The following VWA8 variants were observed in gnomAD, a reference collection of about 807,000 sequenced individuals.
VWA8 encodes von Willebrand factor A domain-containing protein 8.
VWA8 carries 221 observed loss-of-function variants against 241.5 expected under a neutral mutation model. The ratio of observed to expected loss-of-function variants is 0.91; its 90% CI spans 0.82 to 1.02. The LOEUF is 1.02. VWA8 is among the 50% of genes least tolerant of loss of function. The pLI is 0.00. For missense variants in VWA8, 2,322 were observed against 2,328.7 expected, an observed-to-expected ratio of 1.00 and a Z score of 0.06; for synonymous variants, 852 against 827.1, an observed-to-expected ratio of 1.03 and a Z score of -0.52.
intron 12 of VWA8, among the ~76,000 whole-genome samples, chr13:41,852,900 T>C (rs148410686): frequency 6.6e-6 from 1 of 152,314 alleles, no homozygotes; most frequent in African/African-American, 2.4e-5. Context: ...CCTCAAATGT[T>C]GTTTCTCAAG....
intron 17 of VWA8, among the ~76,000 whole-genome samples, chr13:41,800,770 G>A (rs1337119254): frequency 6.8e-6 from 1 of 146,534 alleles, no homozygotes; most frequent in Non-Finnish European, 1.5e-5. Flanking sequence ...TCCAGTCTGG[G>A]TGACAGAGCG....
chr13:41,688,283 A>G (rs2045150618), intron 34 of VWA8, among the ~76,000 whole-genome samples: 1 of 152,142 alleles, frequency 6.6e-6, no homozygotes, highest in African/African-American at 2.4e-5. Flanking sequence ...GTTGAGGCAT[A>G]CAAAATTGGA....
chr13:41,606,387 A>T (rs1390479936), intron 39 of VWA8, among the ~76,000 whole-genome samples: 1 of 152,082 alleles, frequency 6.6e-6, no homozygotes, highest in Non-Finnish European at 1.5e-5. Context: ...TTCAGAGTGA[A>T]CTCCCTTGGG....
intron 21 of VWA8, among the ~76,000 whole-genome samples, chr13:41,758,426 A>G (rs1468459077): frequency 2.6e-5 from 3 of 115,854 alleles, no homozygotes; most frequent in South Asian, 2.8e-4. Context: ...ATATATATAT[A>G]TATACGCTAG....
chr13:41,782,768 A>G (rs1038762896), intron 19 of VWA8, among the ~76,000 whole-genome samples: 1 of 151,982 alleles, frequency 6.6e-6, no homozygotes, highest in Non-Finnish European at 1.5e-5. Context: ...TTGTTTTACT[A>G]TAAAAGTAAT....
intron 37 of VWA8, among the ~76,000 whole-genome samples, chr13:41,665,750 T>A (rs2044981839): frequency 6.6e-6 from 1 of 152,130 alleles, no homozygotes. Flanking sequence ...ATTACCTCTT[T>A]ACTTGCTGAT....
chr13:41,755,688 C>T (rs900927054), intron 21 of VWA8, among the ~76,000 whole-genome samples: 6 of 151,806 alleles, frequency 4.0e-5, no homozygotes, highest in African/African-American at 1.4e-4. Flanking sequence ...CATGGTATCT[C>T]TAATCCTTTA....
At chr13:41,917,564 C>A (rs1157050759) in intron 2 of VWA8, among the ~76,000 whole-genome samples, 1 of 152,176 alleles carries the variant, frequency 6.6e-6, no homozygotes, top group Non-Finnish European at 1.5e-5. Flanking sequence ...CATGCCCAGT[C>A]CCTCAGCCAA....
At chr13:41,646,258 G>A (rs533219976) in intron 37 of VWA8, among the ~76,000 whole-genome samples, 10 of 152,050 alleles carry the variant, frequency 6.6e-5, no homozygotes, top group South Asian at 2.1e-4. Flanking sequence ...GAGCCACCAC[G>A]CCCGGCCAAA....
At chr13:41,588,919 T>C (rs999627996) in intron 41 of VWA8, among the ~76,000 whole-genome samples, 4 of 152,218 alleles carry the variant, frequency 2.6e-5, no homozygotes, top group African/African-American at 9.6e-5. Flanking sequence ...AGAACACTTA[T>C]ACATATGCTT....
rs1874390123 is a variant in VWA8 at position 41,884,009 on chromosome 13, TAA to T, written c.976-520_976-519del. On this transcript the variant is annotated intron_variant, in intron 8 of 44. Coordinates refer to ENST00000379310, the MANE Select transcript of VWA8 (RefSeq NM_015058.2). ...ACTGTCAATTCTGTTCACCCCACTT[TAA>T]AAGTCTGTTGACAAGAAAGATTAGT... 2.0e-5 allele frequency among the ~76,000 whole-genome samples: 3 copies of T among 152,208 alleles called. No homozygotes were observed. In the South Asian group the frequency reaches 6.2e-4, roughly 32 times the overall value.
At chr13:41,840,576 G>A (rs1282404859) in intron 12 of VWA8, among the ~76,000 whole-genome samples, 1 of 151,920 alleles carries the variant, frequency 6.6e-6, no homozygotes, top group Non-Finnish European at 1.5e-5. Context: ...TGGGCAACAA[G>A]GCAAAACCCC....
intron 35 of VWA8, among the ~76,000 whole-genome samples, chr13:41,679,224 T>A (rs1027781418): frequency 2.0e-5 from 3 of 152,212 alleles, no homozygotes; most frequent in African/African-American, 7.2e-5. Context: ...GTTTATCACA[T>A]AGCTCCCATG....
At chr13:41,761,261 A>C (rs2045737841) in intron 20 of VWA8, 57 bp from the exon 21 acceptor site, 1 of 1,512,202 alleles carries the variant, frequency 6.6e-7, no homozygotes, top group Admixed American at 1.8e-5. Flanking sequence ...AGATAAGCTT[A>C]TGCCAAATCA....
intron 21 of VWA8, among the ~76,000 whole-genome samples, chr13:41,734,565 C>T (rs144842130): frequency 0.013 from 1,941 of 152,296 alleles, 42 homozygotes; most frequent in African/African-American, 0.044. Flanking sequence ...CAATTATTGA[C>T]ATTTACAATT....
chr13:41,878,799 A>C (rs914468439), intron 9 of VWA8, among the ~76,000 whole-genome samples: 2 of 152,214 alleles, frequency 1.3e-5, no homozygotes, highest in African/African-American at 4.8e-5. Flanking sequence ...CTTTATTAAG[A>C]AAATTCAACT....
chr13:41,746,914 T>C (rs1363841032), intron 21 of VWA8, among the ~76,000 whole-genome samples: 1 of 152,216 alleles, frequency 6.6e-6, no homozygotes, highest in East Asian at 1.9e-4. Context: ...GATAATACTT[T>C]AGTGACATAC....
intron 44 of VWA8, among the ~76,000 whole-genome samples, chr13:41,569,138 C>T (rs562684437): frequency 6.6e-5 from 10 of 151,338 alleles, no homozygotes; most frequent in Non-Finnish European, 8.8e-5. Flanking sequence ...TGTGTAGTAT[C>T]GTATATTTGG....
At chr13:41,899,582 A>G (rs2138096357) in intron 4 of VWA8, among the ~76,000 whole-genome samples, 1 of 152,344 alleles carries the variant, frequency 6.6e-6, no homozygotes, top group Non-Finnish European at 1.5e-5. Flanking sequence ...GTTAGTTACT[A>G]TTTCAGGATC....
Sources: allele counts gnomAD v4.1 joint callset (sites outside exome capture counted in the v4.1 genomes callset), GRCh38; gene constraint gnomAD v4.1.1; transcripts MANE v1.5; gene names NCBI Gene and HGNC (gene_info 2026-07-23, HGNC 2026-07-21).